Variants in CPSF4 observed in about 807,000 individuals in gnomAD.
The protein encoded by CPSF4 is cleavage and polyadenylation specific factor 4, also known as cleavage and polyadenylation specificity factor subunit 4.
Under a neutral mutation model 37.7 loss-of-function variants are expected in CPSF4, and 11 were observed. That is an observed-to-expected ratio of 0.29 (90% CI 0.18 to 0.48). CPSF4 has a LOEUF of 0.48. Ranked by LOEUF, CPSF4 falls within the 20% of genes least tolerant of loss-of-function variation. CPSF4 has a pLI of 0.99. For synonymous variants in CPSF4, 132 were observed against 135.9 expected (o/e 0.97, Z 0.20); for missense variants, 144 against 359.5 (o/e 0.40, Z 4.85).
rs920902615 is a variant in CPSF4 at position 99,453,872 on chromosome 7, C to T, written c.571-94C>T. The T allele has an allele frequency of 1.7e-5, 21 of 1,226,080 alleles. No individual in the cohort carries two copies. The Admixed American group carries it at 1.8e-4, about 11-fold the overall frequency. The allele number at this position is 1,226,080 out of a possible 1,614,324, so 76.0% of individuals were successfully genotyped here. ...TGGAAGCCCTGCTTCCTGCCGTTTGCGGGACGAGTCCCGCCCTCTTTTTTC... is the reference window on the plus strand; with the variant it reads ...TGGAAGCCCTGCTTCCTGCCGTTTGTGGGACGAGTCCCGCCCTCTTTTTTC... On this transcript the variant is annotated intron_variant, in intron 6 of 7. Coordinates refer to ENST00000292476, the MANE Select transcript of CPSF4 (RefSeq NM_006693.4). This position sits in a 1 kb window ranked among gnomAD's most constrained non-coding sequence, Gnocchi z 4.7.
chr7:99,441,293 C>T (rs558727164), intron 1 of CPSF4: 204 of 409,486 alleles, frequency 5.0e-4, no homozygotes, highest in African/African-American at 3.8e-3. Flanking sequence ...GACCATGGAA[C>T]CACCCACGCA....
At chr7:99,452,567 A>G in intron 6 of CPSF4, 127 bp downstream of exon 6, 2 of 803,028 alleles carry the variant, frequency 2.5e-6, no homozygotes, top group South Asian at 1.5e-5. Flanking sequence ...GGAGTCTCCC[A>G]AGTTCCCGAA....
At chr7:99,441,385 C>T (rs1584482722) in intron 1 of CPSF4, 2 of 456,248 alleles carry the variant, frequency 4.4e-6, no homozygotes, top group East Asian at 1.4e-4. Flanking sequence ...GAGGGGCCCA[C>T]ATACCTGTTC....
At chr7:99,456,093 A>G (rs996571220) in intron 7 of CPSF4, among the ~76,000 whole-genome samples, 2 of 152,174 alleles carry the variant, frequency 1.3e-5, no homozygotes, top group Non-Finnish European at 2.9e-5. Flanking sequence ...TTGTCCTGCT[A>G]CCCACTTGGG....
rs762892785 is a variant in CPSF4 at position 99,446,771 on chromosome 7, C to CTTTTT, written c.155-1317_155-1313dup. Reference sequence around the variant, plus strand: ...TACAGGTGTACACCACCATACCCAGCTTTTTTTTTTTTTTTTTTTTTTTTT... The same window carrying CTTTTT: ...TACAGGTGTACACCACCATACCCAGCTTTTTTTTTTTTTTTTTTTTTTTTTTTTTT... On this transcript the variant is annotated intron_variant, in intron 2 of 7. Transcript: ENST00000292476. Among the ~76,000 whole-genome samples, 20 of 29,126 alleles carry CTTTTT rather than the reference C, an allele frequency of 6.9e-4. 7 individuals carry two copies. Among genetic ancestry groups the CTTTTT allele is most frequent in the African/African-American group, 1.8e-3 (8 of 4,440 alleles). The allele number at this position is 29,126 out of a possible 152,430, so 19.1% of individuals were successfully genotyped here. A position where few individuals can be genotyped will look rare whatever the true frequency, so the allele number is the denominator to read the frequency against.
chr7:99,439,241 C>T, intron 1 of CPSF4, 56 bp downstream of exon 1: 2 of 1,323,000 alleles, frequency 1.5e-6, no homozygotes, highest in South Asian at 1.3e-5. Context: ...GGACCCGCTC[C>T]TCTGTGATCC....
rs774642477 is a variant in CPSF4 at position 99,452,519 on chromosome 7, T to C, written c.570+79T>C. The C allele has an allele frequency of 1.8e-4, 236 of 1,339,670 alleles. 2 individuals carry two copies. The highest frequency in any genetic ancestry group is 1.6e-3 in the South Asian group (136 of 85,466). The allele number at this position is 1,339,670 out of a possible 1,614,324, so 83.0% of individuals were successfully genotyped here. ...ACCTCAGTGTCCCCCAGGGGTGTGG[T>C]CTGCCTTAGACCCCGCTGGACAACT... is the stretch of plus-strand genomic sequence containing the variant. On this transcript the variant is annotated intron_variant, in intron 6 of 7. Coordinates refer to ENST00000292476, the MANE Select transcript of CPSF4 (RefSeq NM_006693.4).
intron 1 of CPSF4, chr7:99,441,576 T>C: frequency 2.2e-6 from 1 of 455,556 alleles, no homozygotes. Flanking sequence ...GAACTGTCAC[T>C]TTGCCCATAA....
At chr7:99,455,888 T>C (rs1366497116) in intron 7 of CPSF4, among the ~76,000 whole-genome samples, 1 of 152,170 alleles carries the variant, frequency 6.6e-6, no homozygotes, top group African/African-American at 2.4e-5. Context: ...AGGGAAAACG[T>C]TGGGTACAGC....
In CPSF4 at chr7:99,448,044, C is replaced by T. The variant is rs903458652; in HGVS notation, c.155-77C>T. 7 of 1,491,124 alleles carry T rather than the reference C, an allele frequency of 4.7e-6. No individual in the cohort carries two copies. The African/African-American group carries it at 8.3e-5, about 18-fold the overall frequency. 92.4% of individuals were successfully genotyped at this position (1,491,124 alleles called of 1,614,324 possible). A position where few individuals can be genotyped will look rare whatever the true frequency, so the allele number is the denominator to read the frequency against. ...CTCCAGGAGTTAGGAAGTGAAGGTA[C>T]CTCAGCTTCTTCAGGCCGTGTCCCC... On this transcript the variant is annotated intron_variant, in intron 2 of 7. Transcript: ENST00000292476. The surrounding 1 kb of genome is among the most constrained non-coding windows in gnomAD (Gnocchi z 4.4).
intron 1 of CPSF4, among the ~76,000 whole-genome samples, chr7:99,441,972 G>T (rs150643397): frequency 6.5e-4 from 99 of 152,282 alleles, no homozygotes; most frequent in African/African-American, 2.4e-3. Context: ...GATTACAGAC[G>T]TGAGTCACCG....
intron 2 of CPSF4, 78 bp downstream of exon 2, chr7:99,444,917 C>T: frequency 7.9e-7 from 1 of 1,270,456 alleles, no homozygotes; most frequent in Non-Finnish European, 1.1e-6. Context: ...TTGGAGGCCG[C>T]CAGGTCTCTG....
At chr7:99,452,700 G>A (rs45540134) in intron 6 of CPSF4, 32,739 of 468,278 alleles carry the variant, frequency 0.07, 2,983 homozygotes, top group East Asian at 0.3. Context: ...CTGGCCACCC[G>A]TTGTGAGATG....
intron 7 of CPSF4, 22 bp downstream of exon 7, chr7:99,454,158 C>G (rs375692493): frequency 7.5e-6 from 12 of 1,605,866 alleles, no homozygotes; most frequent in Admixed American, 3.4e-5. Flanking sequence ...GGCTGGGGGA[C>G]AGGGTGGGGT....
At chr7:99,443,081 A>G in intron 1 of CPSF4, 1 of 959,424 alleles carries the variant, frequency 1.0e-6, no homozygotes, top group Non-Finnish European at 1.7e-6. Context: ...TATCCAAGTT[A>G]ACCATAGGTG....
intron 1 of CPSF4, among the ~76,000 whole-genome samples, chr7:99,440,228 G>A (rs1796769962): frequency 6.6e-6 from 1 of 152,134 alleles, no homozygotes; most frequent in African/African-American, 2.4e-5. Flanking sequence ...AGTGTTGTGT[G>A]CTGTCGCCCA....
chr7:99,440,161 G>A (rs1013132558), intron 1 of CPSF4, among the ~76,000 whole-genome samples: 5 of 152,162 alleles, frequency 3.3e-5, no homozygotes, highest in Admixed American at 2.6e-4. Flanking sequence ...AGACCCAAGC[G>A]GGGGAAGGGA....
intron 6 of CPSF4, 132 bp downstream of exon 6, chr7:99,452,572 C>A: frequency 1.3e-6 from 1 of 791,692 alleles, no homozygotes; most frequent in Non-Finnish European, 2.1e-6. Flanking sequence ...CTCCCAAGTT[C>A]CCGAAGAAAA....
intron 1 of CPSF4, 87 bp downstream of exon 1, chr7:99,439,272 C>G (rs879799697): frequency 1.1e-6 from 1 of 931,676 alleles, no homozygotes; most frequent in Admixed American, 2.9e-5. Context: ...TCGCCTCGGT[C>G]CTGAGACCTC....
Sources: gnomAD v4.1 joint callset for allele counts (sites outside exome capture counted in the v4.1 genomes callset) on GRCh38, gnomAD v4.1.1 for gene constraint, Gnocchi (gnomAD v3.1) non-coding constraint, MANE v1.5 for transcripts, NCBI Gene and HGNC (gene_info 2026-07-23, HGNC 2026-07-21) for gene names.